Variants in GRID1 observed in about 807,000 individuals in gnomAD.
The protein encoded by GRID1 is glutamate ionotropic receptor delta type subunit 1.
GRID1 carries 28 observed loss-of-function variants against 98.0 expected under a neutral mutation model. That is an observed-to-expected ratio of 0.29 (90% CI 0.21 to 0.39). The LOEUF (loss-of-function observed/expected upper bound fraction) is 0.39, where lower values mean the gene tolerates loss of function less well. Ranked by LOEUF, GRID1 falls within the 10% of genes least tolerant of loss-of-function variation. The probability of loss-of-function intolerance (pLI) is 1.00; values close to 1 mark genes in which losing one functional copy is unlikely to be tolerated. For missense variants in GRID1, 1,111 were observed against 1,340.5 expected (o/e 0.83, Z 2.67); for synonymous variants, 553 against 538.5 (o/e 1.03, Z -0.37).
chr10:86,205,972 C>T (rs1846019624), intron 3 of GRID1, among the ~76,000 whole-genome samples: 1 of 152,092 alleles, frequency 6.6e-6, no homozygotes, highest in South Asian at 2.1e-4. Context: ...AGGCAAGGAG[C>T]CAGGAAGGCC....
intron 12 of GRID1, among the ~76,000 whole-genome samples, chr10:85,676,134 A>T (rs1841142576): frequency 6.6e-6 from 1 of 152,206 alleles, no homozygotes; most frequent in Non-Finnish European, 1.5e-5. Flanking sequence ...GAGGTCAACC[A>T]GACCTGTAGT....
Position 86,346,453 on chromosome 10 carries a change from C to G in GRID1, c.235+17488G>C, listed in dbSNP as rs141697910. ...TGGGGCCTGGCCCCAGGTCCACCCC[C>G]TCCAGGCCCTGACCATCCTGTAGCA... is the stretch of plus-strand genomic sequence containing the variant. On this transcript the variant is annotated intron_variant, in intron 2 of 15. Coordinates refer to ENST00000327946, the MANE Select transcript of GRID1 (RefSeq NM_017551.3). Among the ~76,000 whole-genome samples, 909 of 152,370 alleles carry G rather than the reference C, an allele frequency of 6.0e-3. 3 individuals carry two copies. Among genetic ancestry groups the G allele is most frequent in the Middle Eastern group, 0.01 (3 of 294 alleles).
intron 2 of GRID1, among the ~76,000 whole-genome samples, chr10:86,311,092 G>A (rs1381072471): frequency 6.6e-6 from 1 of 152,122 alleles, no homozygotes; most frequent in African/African-American, 2.4e-5. Flanking sequence ...GATATTTTCT[G>A]AGACTCTCCT....
rs975267670 is a variant in GRID1, at chr10:85,610,848, C to A, written c.2601+2559G>T. Among the ~76,000 whole-genome samples, 5 of 152,212 alleles carry A rather than the reference C, an allele frequency of 3.3e-5. No individual in the cohort carries two copies. In the East Asian group the frequency reaches 7.7e-4, roughly 23 times the overall value. On this transcript the variant is annotated intron_variant, in intron 15 of 15. Coordinates refer to ENST00000327946, the MANE Select transcript of GRID1 (RefSeq NM_017551.3). Reference sequence around the variant, plus strand: ...CCATAAAAATATGAAAAAGATGGAACATTTCCATGCAACCCTTCTTAGCAA... The same window carrying A: ...CCATAAAAATATGAAAAAGATGGAAAATTTCCATGCAACCCTTCTTAGCAA...
chr10:85,738,626 A>C (rs1030782377), intron 8 of GRID1, among the ~76,000 whole-genome samples: 7 of 152,216 alleles, frequency 4.6e-5, no homozygotes, highest in African/African-American at 1.4e-4. Context: ...TAGATAAACA[A>C]AGTGTGAGAT....
At chr10:85,679,413 A>T (rs750815381) in intron 12 of GRID1, among the ~76,000 whole-genome samples, 3 of 152,220 alleles carry the variant, frequency 2.0e-5, no homozygotes, top group Non-Finnish European at 4.4e-5. Flanking sequence ...GCAGACTTTG[A>T]AGGCTCTGAG....
chr10:86,134,611 C>T (rs1303326174), intron 4 of GRID1, among the ~76,000 whole-genome samples: 1 of 152,182 alleles, frequency 6.6e-6, no homozygotes, highest in Non-Finnish European at 1.5e-5. Flanking sequence ...TCCCTGCTGA[C>T]ATCCCAGCCT....
intron 4 of GRID1, among the ~76,000 whole-genome samples, chr10:85,950,472 T>C (rs1842106273): frequency 6.6e-6 from 1 of 152,086 alleles, no homozygotes; most frequent in Non-Finnish European, 1.5e-5. Flanking sequence ...TAACTCCATG[T>C]CCTAAGACTT....
intron 4 of GRID1, among the ~76,000 whole-genome samples, chr10:86,094,729 T>C (rs1039180521): frequency 3.3e-5 from 5 of 151,986 alleles, no homozygotes; most frequent in Non-Finnish European, 7.4e-5. Context: ...TGCTCATGGA[T>C]GGGTAGAATC....
intron 12 of GRID1, among the ~76,000 whole-genome samples, chr10:85,674,840 G>C (rs1841126475): frequency 6.6e-6 from 1 of 151,922 alleles, no homozygotes; most frequent in South Asian, 2.1e-4. Flanking sequence ...TATAACCAAA[G>C]ACTCACTATG....
rs373700691 is a variant in GRID1 at position 86,153,516 on chromosome 10, C to A, written c.521-14492G>T. 6.8e-4 allele frequency among the ~76,000 whole-genome samples: 103 copies of A among 152,324 alleles called. 3 individuals are homozygous for A. Among genetic ancestry groups the A allele is most frequent in the African/African-American group, 2.5e-3 (103 of 41,566 alleles). On this transcript the variant is annotated intron_variant, in intron 3 of 15. Transcript: ENST00000327946. ...GCTCTTGAGGCTATTAATGTCTATCCTATCTGAAACACCAGAAATAATGGG... is the reference window on the plus strand; with the variant it reads ...GCTCTTGAGGCTATTAATGTCTATCATATCTGAAACACCAGAAATAATGGG...
chr10:85,889,979 G>C (rs1841172728), intron 5 of GRID1, among the ~76,000 whole-genome samples: 1 of 152,048 alleles, frequency 6.6e-6, no homozygotes, highest in Non-Finnish European at 1.5e-5. Flanking sequence ...ACAATGCATA[G>C]TGATCAGATC....
chr10:86,137,606 C>T (rs1359371117), intron 4 of GRID1, among the ~76,000 whole-genome samples: 1 of 152,210 alleles, frequency 6.6e-6, no homozygotes, highest in Non-Finnish European at 1.5e-5. Context: ...TGGGTATATT[C>T]TGAGAAAGAA....
At position 85,601,845 on chromosome 10, in the gene GRID1, A is replaced by C. The variant is rs1842580106; in HGVS notation, c.*428T>G. ...GGTGCCAGGAGCAAAGAAATGGGGC[A>C]GCAAGCTGTGGGACAAGGCAGCGAG... On this transcript the variant is annotated 3_prime_UTR_variant, in exon 16 of 16. Transcript: ENST00000327946. 1 of 163,128 alleles carries C rather than the reference A, an allele frequency of 6.1e-6. No individual in the cohort carries two copies. The highest frequency in any genetic ancestry group is 1.9e-4 in the South Asian group (1 of 5,296). The allele number at this position is 163,128 out of a possible 1,614,324, so 10.1% of individuals were successfully genotyped here.
At chr10:86,324,777 CA>C (rs58937237) in intron 2 of GRID1, among the ~76,000 whole-genome samples, 20,156 of 147,494 alleles carry the variant, frequency 0.14, 2,069 homozygotes, top group East Asian at 0.49. Context: ...ATAAAATCTT[CA>C]AAAAAAAATG....
intron 5 of GRID1, among the ~76,000 whole-genome samples, chr10:85,902,209 T>C (rs546163032): frequency 1.3e-5 from 2 of 152,330 alleles, no homozygotes; most frequent in East Asian, 1.9e-4. Context: ...CTATATATAC[T>C]ATAGTTTTTT....
intron 2 of GRID1, among the ~76,000 whole-genome samples, chr10:86,229,096 A>G (rs941315985): frequency 2.6e-5 from 4 of 152,120 alleles, no homozygotes; most frequent in African/African-American, 9.7e-5. Context: ...GGGTCCCCAC[A>G]TGATCTCCTT....
chr10:85,794,272 C>A (rs1842506160), intron 8 of GRID1, among the ~76,000 whole-genome samples: 1 of 152,158 alleles, frequency 6.6e-6, no homozygotes, highest in African/African-American at 2.4e-5. Flanking sequence ...TTAATATGAT[C>A]AGTAACCTAA....
At chr10:86,139,163 C>T (rs542699030) in intron 3 of GRID1, 139 bp from the exon 4 acceptor site, 31 of 652,260 alleles carry the variant, frequency 4.8e-5, no homozygotes, top group African/African-American at 3.4e-4. Flanking sequence ...CAGTGATTCC[C>T]GTAAACAGAG....
Sources: allele counts gnomAD v4.1 joint callset (sites outside exome capture counted in the v4.1 genomes callset), GRCh38; gene constraint gnomAD v4.1.1; transcripts MANE v1.5; gene names NCBI Gene and HGNC (gene_info 2026-07-23, HGNC 2026-07-21).